LARGE1: variants seen among roughly 807,000 people sequenced by gnomAD.
LARGE1 encodes xylosyl- and glucuronyltransferase LARGE1.
In LARGE1, 43 loss-of-function variants were observed where a neutral mutation model predicts 87.6. The ratio of observed to expected loss-of-function variants is 0.49; its 90% CI spans 0.38 to 0.63. The LOEUF is 0.63. Among genes scored for constraint, LARGE1 ranks in the 30% least tolerant of loss-of-function variants. The pLI, the probability that LARGE1 is intolerant of heterozygous loss-of-function variation, is 0.00. For synonymous variants in LARGE1, 434 were observed against 394.6 expected, an observed-to-expected ratio of 1.10 and a Z score of -1.18; for missense variants, 802 against 1,000.2, an observed-to-expected ratio of 0.80 and a Z score of 2.67.
the LARGE1 span, among the ~76,000 whole-genome samples, chr22:33,155,609 G>A: frequency 6.6e-6 from 1 of 152,102 alleles, no homozygotes; most frequent in Non-Finnish European, 1.5e-5. Context: ...TTTTAAAAGG[G>A]AAACAGAGCA....
chr22:33,259,341 CACACACAA>C (rs1568993164), intron 11 of LARGE1, among the ~76,000 whole-genome samples: 2 of 151,346 alleles, frequency 1.3e-5, no homozygotes, highest in African/African-American at 2.4e-5. Context: ...CACACACACA[CACACACAA>C]ACACACACAT....
chr22:33,071,676 G>A, the LARGE1 span, among the ~76,000 whole-genome samples: 1 of 152,182 alleles, frequency 6.6e-6, no homozygotes, highest in Non-Finnish European at 1.5e-5. Flanking sequence ...ATTAATACAT[G>A]TTTATGGACT....
chr22:33,572,288 A>G (rs1024555425), intron 5 of LARGE1: 8 of 883,520 alleles, frequency 9.1e-6, no homozygotes, highest in African/African-American at 1.8e-5. Flanking sequence ...CAACCAACCT[A>G]TATGTTCAGA....
At chr22:33,660,139 G>A (rs1432685776) in intron 2 of LARGE1, among the ~76,000 whole-genome samples, 1 of 149,048 alleles carries the variant, frequency 6.7e-6, no homozygotes, top group African/African-American at 2.5e-5. Context: ...AAAGTTGGAG[G>A]CAGTTGGTCT....
chr22:33,192,929 T>G (rs1262460525), intron 11 of LARGE1, among the ~76,000 whole-genome samples: 1 of 152,234 alleles, frequency 6.6e-6, no homozygotes, highest in Non-Finnish European at 1.5e-5. Flanking sequence ...AAATTGTACT[T>G]TCCTCAATGT....
intron 6 of LARGE1, among the ~76,000 whole-genome samples, chr22:33,550,350 A>C (rs112248147): frequency 6.6e-6 from 1 of 152,182 alleles, no homozygotes; most frequent in African/African-American, 2.4e-5. Context: ...GGTTCTCAAC[A>C]GGGAAAGACA....
At chr22:33,722,085 C>G (rs1161268829) in intron 2 of LARGE1, among the ~76,000 whole-genome samples, 2 of 152,084 alleles carry the variant, frequency 1.3e-5, no homozygotes. Context: ...AACCCCGTCT[C>G]TACTAAAAAT....
intron 2 of LARGE1, among the ~76,000 whole-genome samples, chr22:33,676,422 A>G (rs2081580996): frequency 7.1e-6 from 1 of 141,084 alleles, no homozygotes; most frequent in Admixed American, 7.2e-5. Flanking sequence ...GGTTAAAAGC[A>G]TTTTATAACA....
chr22:33,542,307 G>A (rs775112573), intron 6 of LARGE1, among the ~76,000 whole-genome samples: 4 of 152,032 alleles, frequency 2.6e-5, no homozygotes, highest in Non-Finnish European at 5.9e-5. Context: ...GAGCCAGCAG[G>A]TCACTGTTCA....
intron 1 of LARGE1, among the ~76,000 whole-genome samples, chr22:33,839,670 T>C (rs564411978): frequency 1.3e-5 from 2 of 152,340 alleles, no homozygotes; most frequent in South Asian, 2.1e-4. Context: ...AGTTAAAATA[T>C]GAATGCTATG....
intron 1 of LARGE1, among the ~76,000 whole-genome samples, chr22:33,834,221 A>G (rs901197216): frequency 6.6e-6 from 1 of 152,224 alleles, no homozygotes. Flanking sequence ...TTTCTTCTCT[A>G]GTAGAGCTTT....
downstream of LARGE1, among the ~76,000 whole-genome samples, chr22:33,268,516 C>T (rs1602175313): frequency 6.7e-6 from 1 of 150,282 alleles, no homozygotes; most frequent in South Asian, 2.1e-4. Context: ...CAAGCTCCGT[C>T]CCCCGGGTTC....
chr22:33,551,091 T>C (rs1029022681), intron 6 of LARGE1, among the ~76,000 whole-genome samples: 3 of 152,338 alleles, frequency 2.0e-5, no homozygotes, highest in Middle Eastern at 6.8e-3. Context: ...AATTAATGTG[T>C]ATAATGTGCA....
At chr22:33,681,976 T>C (rs753480200) in intron 2 of LARGE1, among the ~76,000 whole-genome samples, 3 of 152,142 alleles carry the variant, frequency 2.0e-5, no homozygotes, top group Non-Finnish European at 4.4e-5. Flanking sequence ...GCCTAAATGA[T>C]GCACTTCTAC....
the LARGE1 span, among the ~76,000 whole-genome samples, chr22:33,106,657 A>G: frequency 6.6e-6 from 1 of 151,994 alleles, no homozygotes; most frequent in Non-Finnish European, 1.5e-5. Context: ...CACCATGCCC[A>G]GCTAATTTTT....
At chr22:33,648,194 A>T (rs2080678865) in intron 3 of LARGE1, among the ~76,000 whole-genome samples, 1 of 152,178 alleles carries the variant, frequency 6.6e-6, no homozygotes. Flanking sequence ...TTCAAAAGCC[A>T]ATGGTCTTTG....
Position 33,603,415 on chromosome 22 carries a change from C to T in LARGE1, c.615+1020G>A, listed in dbSNP as rs114663454. 9.7e-3 allele frequency among the ~76,000 whole-genome samples: 1,482 copies of T among 152,280 alleles called. 22 individuals are homozygous for T. Among genetic ancestry groups the T allele is most frequent in the African/African-American group, 0.034 (1,403 of 41,548 alleles). ...CAAGCATTAGTGGGTACCTACTATG[C>T]ACCAGAAATATAGAAAAGAATAAGA... On this transcript the variant is annotated intron_variant, in intron 5 of 14. Transcript: ENST00000397394.
rs556421114 is a variant in LARGE1, at chr22:33,719,291, A to G, written c.106+42080T>C. Among the ~76,000 whole-genome samples the G allele has an allele frequency of 7.2e-5, 11 of 152,332 alleles. No individual in the cohort carries two copies. The East Asian group carries it at 1.5e-3, about 21-fold the overall frequency. On this transcript the variant is annotated intron_variant, in intron 2 of 14. Transcript: ENST00000397394. ...TAAAAAAGTTACAGCAAACTAATGT[A>G]GCATGACTAAAGATGGCAAAACAGT...
At chr22:33,544,932 C>T in intron 6 of LARGE1, among the ~76,000 whole-genome samples, 1 of 152,068 alleles carries the variant, frequency 6.6e-6, no homozygotes, top group Non-Finnish European at 1.5e-5. Flanking sequence ...CTGAAACAAG[C>T]AAGGAGAGAT....
Sources: gnomAD v4.1 joint callset for allele counts (sites outside exome capture counted in the v4.1 genomes callset) on GRCh38, gnomAD v4.1.1 for gene constraint, MANE v1.5 for transcripts, NCBI Gene and HGNC (gene_info 2026-07-23, HGNC 2026-07-21) for gene names.